Variants in SMCHD1 observed in about 807,000 individuals in gnomAD.
SMCHD1 encodes the protein structural maintenance of chromosomes flexible hinge domain containing 1.
SMCHD1 carries 78 observed loss-of-function variants against 254.7 expected under a neutral mutation model. The ratio of observed to expected loss-of-function variants is 0.31; its 90% CI spans 0.26 to 0.37. SMCHD1 has a LOEUF of 0.37. Among genes scored for constraint, SMCHD1 ranks in the 10% least tolerant of loss-of-function variants. The pLI is 1.00. For missense variants in SMCHD1, 1,840 were observed against 2,408.1 expected (o/e 0.76, Z 4.94); for synonymous variants, 766 against 794.9 (o/e 0.96, Z 0.61).
At chr18:2,799,584 A>G (rs2076323177) in intron 47 of SMCHD1, among the ~76,000 whole-genome samples, 2 of 152,158 alleles carry the variant, frequency 1.3e-5, no homozygotes, top group Non-Finnish European at 2.9e-5. Flanking sequence ...TGCTAGAATT[A>G]CACTTCCTTC....
At chr18:2,794,122 G>A (rs1410840387) in intron 45 of SMCHD1, among the ~76,000 whole-genome samples, 2 of 152,126 alleles carry the variant, frequency 1.3e-5, no homozygotes, top group Non-Finnish European at 2.9e-5. Flanking sequence ...AATCAAGGAT[G>A]ATGTTATGAA....
rs369039432 is a variant in SMCHD1 at position 2,790,482 on chromosome 18, G to A, written c.5720-5467G>A. ...TATAGGACAAAACACAGTATAGGCCGGACACGGTGGCTCAGGCCTGTAATC... is the reference window on the plus strand; with the variant it reads ...TATAGGACAAAACACAGTATAGGCCAGACACGGTGGCTCAGGCCTGTAATC... On this transcript the variant is annotated intron_variant, in intron 45 of 47. Coordinates refer to ENST00000320876, the MANE Select transcript of SMCHD1 (RefSeq NM_015295.3). Among the ~76,000 whole-genome samples the A allele has an allele frequency of 5.5e-4, 83 of 152,154 alleles. 1 individual carries two copies. The South Asian group carries it at 0.011, about 19-fold the overall frequency.
At chr18:2,765,965 C>A (rs1010794398) in intron 37 of SMCHD1, among the ~76,000 whole-genome samples, 13 of 148,502 alleles carry the variant, frequency 8.8e-5, no homozygotes, top group Non-Finnish European at 4.5e-5. Flanking sequence ...CTAAAGAAAA[C>A]TTTACCTGTT....
At chr18:2,666,800 A>G (rs1598283914) in intron 2 of SMCHD1, 70 bp from the exon 3 acceptor site, 2 of 1,244,898 alleles carry the variant, frequency 1.6e-6, no homozygotes, top group Non-Finnish European at 2.2e-6. Context: ...GAATTTGTAT[A>G]TTCACAATTA....
intron 7 of SMCHD1, among the ~76,000 whole-genome samples, chr18:2,691,349 A>T (rs2074175467): frequency 6.6e-6 from 1 of 152,146 alleles, no homozygotes; most frequent in African/African-American, 2.4e-5. Context: ...TTCCCAACAA[A>T]CATTTCTTGG....
intron 5 of SMCHD1, among the ~76,000 whole-genome samples, chr18:2,679,061 T>C (rs1415455240): frequency 2.0e-5 from 3 of 151,166 alleles, no homozygotes; most frequent in Non-Finnish European, 4.4e-5. Context: ...TTGGCCAGGC[T>C]GGTCTTGAAC....
chr18:2,703,018 G>A (rs946830669), intron 12 of SMCHD1, among the ~76,000 whole-genome samples: 34 of 152,172 alleles, frequency 2.2e-4, no homozygotes, highest in African/African-American at 7.9e-4. Context: ...GGTGAAGAAT[G>A]GTTGGCAAAA....
At chr18:2,714,912 GA>G (rs1410352005) in intron 17 of SMCHD1, among the ~76,000 whole-genome samples, 1 of 151,996 alleles carries the variant, frequency 6.6e-6, no homozygotes, top group South Asian at 2.1e-4. Context: ...TGTAAAAAAA[GA>G]AAAAACAAAA....
At chr18:2,784,732 T>A in intron 45 of SMCHD1, 111 bp downstream of exon 45, 1 of 1,191,856 alleles carries the variant, frequency 8.4e-7, no homozygotes, top group Non-Finnish European at 1.2e-6. Context: ...TGTAAGTAAG[T>A]AACAAATGTA....
intron 37 of SMCHD1, among the ~76,000 whole-genome samples, chr18:2,765,807 G>C (rs2075856538): frequency 5.9e-5 from 9 of 152,132 alleles, no homozygotes; most frequent in Admixed American, 5.2e-4. Context: ...TTATAGTGGA[G>C]AATAAAGTAA....
In SMCHD1 at chr18:2,803,231, T is replaced by A. The variant is rs1267747856; in HGVS notation, c.*679T>A. On this transcript the variant is annotated 3_prime_UTR_variant, in exon 48 of 48. Coordinates refer to ENST00000320876, the MANE Select transcript of SMCHD1 (RefSeq NM_015295.3). ...ATATATATATATAAATATATATATATAAAATATTCAGCAGCACCAAGTTTT... is the reference window on the plus strand; with the variant it reads ...ATATATATATATAAATATATATATAAAAAATATTCAGCAGCACCAAGTTTT... 6.8e-6 allele frequency: 1 copy of A among 147,834 alleles called. No individual in the cohort carries two copies. The highest frequency in any genetic ancestry group is 1.5e-5 in the Non-Finnish European group (1 of 67,140). The allele number at this position is 147,834 out of a possible 1,614,324, so 9.2% of individuals were successfully genotyped here.
intron 6 of SMCHD1, 47 bp from the exon 7 acceptor site, chr18:2,688,581 A>G (rs537895928): frequency 6.3e-7 from 1 of 1,580,410 alleles, no homozygotes; most frequent in East Asian, 2.2e-5. Flanking sequence ...AAATGCATTA[A>G]CCAGTTTATT....
intron 34 of SMCHD1, among the ~76,000 whole-genome samples, chr18:2,755,110 A>G (rs2075648499): frequency 6.6e-6 from 1 of 152,148 alleles, no homozygotes; most frequent in Admixed American, 6.5e-5. Context: ...GCTGTAGTGC[A>G]GTGGTGCAAT....
chr18:2,775,068 ATTTTTTTTTTTTTTTTTT>A (rs10601895), intron 41 of SMCHD1, among the ~76,000 whole-genome samples: 12 of 73,060 alleles, frequency 1.6e-4, no homozygotes, highest in Admixed American at 4.3e-4. Flanking sequence ...AAAAGGAACA[ATTTTTTTTTTTTTTTTTT>A]TTTTTTTTTT....
At chr18:2,762,492 CTTTTTTTT>C (rs10708453) in intron 36 of SMCHD1, among the ~76,000 whole-genome samples, 1 of 126,838 alleles carries the variant, frequency 7.9e-6, no homozygotes, top group Non-Finnish European at 1.7e-5. Flanking sequence ...ATCTGCCTAC[CTTTTTTTT>C]TTTTTTTTTT....
At chr18:2,780,364 C>T (rs1202044162) in intron 44 of SMCHD1, among the ~76,000 whole-genome samples, 1 of 150,820 alleles carries the variant, frequency 6.6e-6, no homozygotes. Flanking sequence ...TCTTCATGAA[C>T]GTTTCCTTGT....
intron 1 of SMCHD1, among the ~76,000 whole-genome samples, chr18:2,662,390 A>G (rs1190099172): frequency 6.6e-6 from 1 of 151,876 alleles, no homozygotes; most frequent in Non-Finnish European, 1.5e-5. Context: ...TCACGCCTCT[A>G]ATCCCAGCAC....
At chr18:2,737,756 A>G (rs534047395) in intron 25 of SMCHD1, among the ~76,000 whole-genome samples, 3 of 152,320 alleles carry the variant, frequency 2.0e-5, no homozygotes, top group South Asian at 2.1e-4. Flanking sequence ...AATCACAACT[A>G]TAGAAGGCTA....
At chr18:2,708,085 G>T (rs531492079) in intron 17 of SMCHD1, among the ~76,000 whole-genome samples, 165 bp downstream of exon 17, 1 of 151,810 alleles carries the variant, frequency 6.6e-6, no homozygotes, top group African/African-American at 2.4e-5. Context: ...TTTCTTGGTG[G>T]ATATTTTTCT....
Sources: allele counts gnomAD v4.1 joint callset (sites outside exome capture counted in the v4.1 genomes callset), GRCh38; gene constraint gnomAD v4.1.1; transcripts MANE v1.5; gene names NCBI Gene and HGNC (gene_info 2026-07-23, HGNC 2026-07-21).